MANBA: variants seen among roughly 807,000 people sequenced by gnomAD.
MANBA encodes the protein mannosidase beta, also known as beta-mannosidase.
Under a neutral mutation model 111.1 loss-of-function variants are expected in MANBA, and 83 were observed. The ratio of observed to expected loss-of-function variants is 0.75; its 90% CI spans 0.63 to 0.90. The LOEUF is 0.90. Among genes scored for constraint, MANBA ranks in the 40% least tolerant of loss-of-function variants. The pLI, the probability that MANBA is intolerant of heterozygous loss-of-function variation, is 0.00. For missense variants in MANBA, 1,036 were observed against 1,069.0 expected, an observed-to-expected ratio of 0.97 and a Z score of 0.43; for synonymous variants, 370 against 378.7, an observed-to-expected ratio of 0.98 and a Z score of 0.27.
chr4:102,714,644 T>C, intron 4 of MANBA, 83 bp from the exon 5 acceptor site: 1 of 1,374,330 alleles, frequency 7.3e-7, no homozygotes, highest in Non-Finnish European at 1.0e-6. Flanking sequence ...TTTAAAAATG[T>C]TACATATGTG....
At chr4:102,675,697 A>G (rs192483136) in intron 7 of MANBA, among the ~76,000 whole-genome samples, 2 of 152,342 alleles carry the variant, frequency 1.3e-5, no homozygotes, top group East Asian at 3.9e-4. Flanking sequence ...TCTTGTTCTA[A>G]AAGAAAATTT....
chr4:102,689,088 G>A (rs988845200), intron 7 of MANBA, among the ~76,000 whole-genome samples: 1 of 152,106 alleles, frequency 6.6e-6, no homozygotes, highest in Non-Finnish European at 1.5e-5. Flanking sequence ...AGTGGCTCAC[G>A]CCCGTAATCC....
intron 1 of MANBA, among the ~76,000 whole-genome samples, chr4:102,757,139 G>C (rs1177602820): frequency 3.3e-5 from 5 of 152,094 alleles, no homozygotes; most frequent in Non-Finnish European, 7.4e-5. Context: ...AGACCAGCCT[G>C]ACCAACATGG....
rs201817048 is a variant in MANBA at position 102,674,124 on chromosome 4, G to GT, written c.961-55dup. ...ATCAAATTTAAACATAAGCAAAATA[G>GT]TTTTTTTAAAAAAAGCAGACCTTTT... On this transcript the variant is annotated intron_variant, in intron 7 of 16. Coordinates refer to ENST00000647097, the MANE Select transcript of MANBA (RefSeq NM_005908.4). 2.0e-5 allele frequency: 28 copies of GT among 1,409,486 alleles called. No homozygotes were observed. The East Asian group carries it at 2.5e-4, about 13-fold the overall frequency. The allele number at this position is 1,409,486 out of a possible 1,614,324, so 87.3% of individuals were successfully genotyped here.
At chr4:102,645,391 T>C (rs1730059625) in intron 13 of MANBA, among the ~76,000 whole-genome samples, 1 of 152,086 alleles carries the variant, frequency 6.6e-6, no homozygotes, top group African/African-American at 2.4e-5. Context: ...GAGTTAAGTG[T>C]TTCCTCCTCT....
intron 13 of MANBA, among the ~76,000 whole-genome samples, chr4:102,640,830 T>C (rs928361946): frequency 1.3e-5 from 2 of 152,316 alleles, no homozygotes; most frequent in African/African-American, 4.8e-5. Flanking sequence ...AAGGAAGTCA[T>C]AGATGAGGTT....
At chr4:102,710,898 A>C (rs1163544915) in intron 5 of MANBA, among the ~76,000 whole-genome samples, 1 of 152,182 alleles carries the variant, frequency 6.6e-6, no homozygotes, top group Admixed American at 6.5e-5. Context: ...GGTGCGGGGA[A>C]AATTGGATAT....
intron 1 of MANBA, among the ~76,000 whole-genome samples, chr4:102,731,619 CATAA>C (rs1401115857): frequency 6.6e-6 from 1 of 152,128 alleles, no homozygotes; most frequent in Non-Finnish European, 1.5e-5. Flanking sequence ...GACATGTGCC[CATAA>C]ATAAAGTTTT....
intron 5 of MANBA, among the ~76,000 whole-genome samples, chr4:102,698,111 A>T (rs530700976): frequency 7.2e-5 from 11 of 151,850 alleles, no homozygotes; most frequent in African/African-American, 2.7e-4. Flanking sequence ...ATGGCCAGTG[A>T]TGATGAGCAT....
chr4:102,753,252 A>C (rs1723875515), intron 1 of MANBA, among the ~76,000 whole-genome samples: 1 of 152,040 alleles, frequency 6.6e-6, no homozygotes, highest in African/African-American at 2.4e-5. Context: ...CTATATACTT[A>C]GAAAAAAATG....
rs182876488 is a variant in MANBA at position 102,735,470 on chromosome 4, A to G, written c.178-8787T>C. Among the ~76,000 whole-genome samples, 466 of 151,884 alleles carry G rather than the reference A, an allele frequency of 3.1e-3. 7 individuals are homozygous for G. The highest frequency in any genetic ancestry group is 0.011 in the African/African-American group (449 of 41,436). ...AACTGCATGCATGCTGAAAAAAAAA[A>G]AAAAGAAAGAAAAGTCTACTAAAAA... On this transcript the variant is annotated intron_variant, in intron 1 of 16. Transcript: ENST00000647097.
chr4:102,731,555 G>T (rs570863682), intron 1 of MANBA, among the ~76,000 whole-genome samples: 5 of 152,170 alleles, frequency 3.3e-5, no homozygotes, highest in African/African-American at 1.2e-4. Context: ...CCACCCACAG[G>T]CCACATTCAG....
chr4:102,666,958 G>A (rs1324575824), intron 10 of MANBA: 1 of 152,120 alleles, frequency 6.6e-6, no homozygotes, highest in Non-Finnish European at 1.5e-5. Context: ...TTGCATTTCT[G>A]TATGGTTTTT....
At chr4:102,757,593 A>C (rs1311411837) in intron 1 of MANBA, among the ~76,000 whole-genome samples, 1 of 152,184 alleles carries the variant, frequency 6.6e-6, no homozygotes, top group Non-Finnish European at 1.5e-5. Context: ...TTGTTTCTAC[A>C]TGTAAAACGT....
At chr4:102,710,417 C>CA (rs1578926456) in intron 5 of MANBA, among the ~76,000 whole-genome samples, 2 of 151,924 alleles carry the variant, frequency 1.3e-5, no homozygotes, top group Admixed American at 1.3e-4. Flanking sequence ...ACAATAGCTA[C>CA]AAAAAATAAA....
intron 1 of MANBA, chr4:102,728,831 C>T (rs1722912423): frequency 1.1e-6 from 1 of 908,578 alleles, no homozygotes; most frequent in Non-Finnish European, 1.7e-6. Context: ...CCTGGTGGTG[C>T]TGGTGCGGCT....
chr4:102,700,360 C>G (rs1449598378), intron 5 of MANBA, among the ~76,000 whole-genome samples: 14 of 151,948 alleles, frequency 9.2e-5, no homozygotes, highest in Admixed American at 7.9e-4. Flanking sequence ...CTATTTCCTT[C>G]AGTTCTGCTC....
chr4:102,641,165 A>C lies in MANBA; in HGVS notation c.1870-1308T>G, dbSNP rs139110514. ...TGAGGATTGGCCTAAAAGAAGAGGAATGGGAAAAAGAGAGAGGGCAGAACC... is the reference window on the plus strand; with the variant it reads ...TGAGGATTGGCCTAAAAGAAGAGGACTGGGAAAAAGAGAGAGGGCAGAACC... On this transcript the variant is annotated intron_variant, in intron 13 of 16. Transcript: ENST00000647097. Among the ~76,000 whole-genome samples, 456 of 152,294 alleles carry C rather than the reference A, an allele frequency of 3.0e-3. 5 individuals carry two copies. Among genetic ancestry groups the C allele is most frequent in the African/African-American group, 0.01 (432 of 41,574 alleles).
At chr4:102,746,200 C>T (rs920437773) in intron 1 of MANBA, among the ~76,000 whole-genome samples, 1 of 152,172 alleles carries the variant, frequency 6.6e-6, no homozygotes, top group African/African-American at 2.4e-5. Flanking sequence ...CTTCATTAGG[C>T]CCTCCACCAC....
Sources: gnomAD v4.1 joint callset for allele counts (sites outside exome capture counted in the v4.1 genomes callset) on GRCh38, gnomAD v4.1.1 for gene constraint, MANE v1.5 for transcripts, NCBI Gene and HGNC (gene_info 2026-07-23, HGNC 2026-07-21) for gene names.